The following SPEF2 variants were observed in gnomAD, a reference collection of about 807,000 sequenced individuals.
The protein encoded by SPEF2 is sperm flagella and cilia-associated protein 2.
SPEF2 carries 187 observed loss-of-function variants against 224.6 expected under a neutral mutation model. The ratio of observed to expected loss-of-function variants is 0.83; its 90% CI spans 0.74 to 0.94. The LOEUF (loss-of-function observed/expected upper bound fraction) is 0.94. Among genes scored for constraint, SPEF2 ranks in the 40% least tolerant of loss-of-function variants. The pLI, the probability that SPEF2 is intolerant of heterozygous loss-of-function variation, is 0.00. For synonymous variants in SPEF2, 715 were observed against 707.3 expected, an observed-to-expected ratio of 1.01 and a Z score of -0.17; for missense variants, 2,170 against 2,135.6, an observed-to-expected ratio of 1.02 and a Z score of -0.32.
chr5:35,751,296 T>G, intron 23 of SPEF2, among the ~76,000 whole-genome samples: 1 of 139,020 alleles, frequency 7.2e-6, no homozygotes, highest in African/African-American at 2.7e-5. Context: ...AATGATACAA[T>G]GGACTTTGGG....
At chr5:35,723,682 A>C (rs1269761169) in intron 20 of SPEF2, among the ~76,000 whole-genome samples, 1 of 152,234 alleles carries the variant, frequency 6.6e-6, no homozygotes. Flanking sequence ...ATTCAGCTCA[A>C]AGACACAATG....
At chr5:35,659,512 T>C (rs1314856326) in intron 8 of SPEF2, among the ~76,000 whole-genome samples, 1 of 152,186 alleles carries the variant, frequency 6.6e-6, no homozygotes, top group African/African-American at 2.4e-5. Context: ...CTTTCTCCAA[T>C]AGGTTTCTCA....
intron 16 of SPEF2, among the ~76,000 whole-genome samples, chr5:35,701,807 T>C (rs986292277): frequency 9.9e-5 from 15 of 152,164 alleles, no homozygotes; most frequent in Admixed American, 9.2e-4. Flanking sequence ...GACAAGGCCC[T>C]GTCTCTACAA....
At chr5:35,703,175 AT>A (rs200487634) in intron 16 of SPEF2, among the ~76,000 whole-genome samples, 2 of 151,182 alleles carry the variant, frequency 1.3e-5, no homozygotes, top group Non-Finnish European at 1.5e-5. Flanking sequence ...AGCTCAACTG[AT>A]TTTTTTTAGC....
chr5:35,704,496 C>T lies in SPEF2; in HGVS notation c.2399-58C>T, dbSNP rs182351967. 1,356 of 1,094,388 alleles carry T rather than the reference C, an allele frequency of 1.2e-3. 4 individuals carry two copies. Among genetic ancestry groups the T allele is most frequent in the Non-Finnish European group, 1.6e-3 (1,161 of 730,270 alleles). The allele number at this position is 1,094,388 out of a possible 1,614,324, so 67.8% of individuals were successfully genotyped here. On this transcript the variant is annotated intron_variant, in intron 16 of 36. Transcript: ENST00000356031. ...GGCATCTTTCACCAGTATATTTTAG[C>T]AGTAAGTAGCAACTTTGGTTTTGAA...
intron 1 of SPEF2, among the ~76,000 whole-genome samples, chr5:35,627,903 A>G (rs1014827878): frequency 5.3e-5 from 8 of 152,260 alleles, no homozygotes; most frequent in African/African-American, 1.2e-4. Flanking sequence ...ATTGCATAGG[A>G]CAATAACTGG....
At position 35,691,138 on chromosome 5, in the gene SPEF2, A is replaced by G. The variant is rs1561203337; in HGVS notation, c.1626A>G (p.Lys542=). The change falls in exon 11 of 37, where the codon AAA becomes AAG. Residue 542 remains lysine, a synonymous_variant. Transcript: ENST00000356031. ...LGHILHRLAE[K]SLPPRAESTT... ...ATATTCTTCACAGGCTAGCTGAAAAATCTCTTCCTCCTCGAGCGGAATCAA... is the reference window on the plus strand; with the variant it reads ...ATATTCTTCACAGGCTAGCTGAAAAGTCTCTTCCTCCTCGAGCGGAATCAA... 6.2e-7 allele frequency: 1 copy of G among 1,614,022 alleles called. No individual in the cohort carries two copies. Among genetic ancestry groups the G allele is most frequent in the Admixed American group, 1.7e-5 (1 of 59,996 alleles).
At chr5:35,732,472 G>A (rs564162202) in intron 21 of SPEF2, among the ~76,000 whole-genome samples, 44 of 152,236 alleles carry the variant, frequency 2.9e-4, no homozygotes, top group Non-Finnish European at 4.9e-4. Context: ...AAAGGGTGTT[G>A]AAATAATGTT....
intron 36 of SPEF2, among the ~76,000 whole-genome samples, chr5:35,809,731 GA>G (rs1010576315): frequency 4.6e-5 from 7 of 152,198 alleles, no homozygotes; most frequent in Non-Finnish European, 8.8e-5. Flanking sequence ...CTGCTGAGCA[GA>G]GCATGATATG....
chr5:35,635,296 A>C (rs745740922), intron 2 of SPEF2, among the ~76,000 whole-genome samples: 1 of 151,878 alleles, frequency 6.6e-6, no homozygotes, highest in Non-Finnish European at 1.5e-5. Context: ...TATAACTTCT[A>C]TTTCTGTATT....
chr5:35,775,397 G>T (rs538780586), intron 28 of SPEF2, among the ~76,000 whole-genome samples: 1 of 152,262 alleles, frequency 6.6e-6, no homozygotes, highest in Non-Finnish European at 1.5e-5. Context: ...ATTGGCGTGA[G>T]AATGAAGAGG....
At chr5:35,755,830 G>A (rs371049713) in intron 24 of SPEF2, among the ~76,000 whole-genome samples, 64 of 152,140 alleles carry the variant, frequency 4.2e-4, no homozygotes, top group African/African-American at 1.3e-3. Context: ...GGCTGCTCTC[G>A]AGCTCCTGAC....
intron 35 of SPEF2, 44 bp downstream of exon 35, chr5:35,806,996 A>G (rs1030804274): frequency 1.3e-6 from 2 of 1,571,062 alleles, no homozygotes. Context: ...AATTCTGAGC[A>G]TATTTTTATG....
In SPEF2 at chr5:35,662,225, T is replaced by C. The variant is rs193037165; in HGVS notation, c.1167+3018T>C. ...GTTTGTTAGCCATTTGTATGTCTTC[T>C]TTTGAAAAGTGTCTGTTCATGTCAT... On this transcript the variant is annotated intron_variant, in intron 8 of 36. Coordinates refer to ENST00000356031, the MANE Select transcript of SPEF2 (RefSeq NM_024867.4). 9.2e-5 allele frequency among the ~76,000 whole-genome samples: 14 copies of C among 152,326 alleles called. No individual in the cohort carries two copies. The East Asian group carries it at 2.7e-3, about 29-fold the overall frequency.
intron 30 of SPEF2, among the ~76,000 whole-genome samples, chr5:35,786,309 T>C (rs1301097191): frequency 6.6e-6 from 1 of 152,072 alleles, no homozygotes; most frequent in Non-Finnish European, 1.5e-5. Flanking sequence ...TACAGTAACA[T>C]TTAGAATCGC....
intron 30 of SPEF2, among the ~76,000 whole-genome samples, chr5:35,785,450 T>C (rs1754964114): frequency 1.3e-5 from 2 of 152,218 alleles, no homozygotes; most frequent in African/African-American, 4.8e-5. Context: ...TCCATAGAAC[T>C]AAAATTCTGT....
chr5:35,695,648 T>A, intron 13 of SPEF2, 87 bp from the exon 14 acceptor site: 2 of 1,034,134 alleles, frequency 1.9e-6, no homozygotes, highest in Non-Finnish European at 2.9e-6. Flanking sequence ...ATAACCCTTA[T>A]GTCCAAAACC....
intron 34 of SPEF2, among the ~76,000 whole-genome samples, chr5:35,801,832 G>A (rs900340874): frequency 9.2e-5 from 14 of 152,194 alleles, no homozygotes; most frequent in African/African-American, 3.4e-4. Context: ...GCACCCTGTG[G>A]ACCAGGAGTT....
chr5:35,783,346 CT>C (rs747086087), intron 30 of SPEF2, among the ~76,000 whole-genome samples: 1 of 152,108 alleles, frequency 6.6e-6, no homozygotes, highest in Non-Finnish European at 1.5e-5. Flanking sequence ...TTCTCTCTGC[CT>C]CAGTTACCAC....
Sources: allele counts gnomAD v4.1 joint callset (sites outside exome capture counted in the v4.1 genomes callset), GRCh38; gene constraint gnomAD v4.1.1; transcripts MANE v1.5; gene names NCBI Gene and HGNC (gene_info 2026-07-23, HGNC 2026-07-21).